POLR2H: variants seen among roughly 807,000 people sequenced by gnomAD.
POLR2H encodes the protein RNA polymerase II, I and III subunit H, also known as DNA-directed RNA polymerases I, II, and III subunit RPABC3.
A neutral mutation model predicts 18.1 loss-of-function variants in POLR2H; 3 were observed. The ratio of observed to expected loss-of-function variants is 0.17; its 90% CI spans 0.08 to 0.43. POLR2H has a LOEUF of 0.43. POLR2H is among the 20% of genes least tolerant of loss of function. POLR2H has a pLI of 0.99. For synonymous variants in POLR2H, 76 were observed against 69.0 expected (o/e 1.10, Z -0.50); for missense variants, 103 against 184.6 (o/e 0.56, Z 2.56).
rs543444730 is a variant in POLR2H at position 184,362,947 on chromosome 3, C to G, written c.-546C>G. The G allele has an allele frequency of 1.6e-4, 27 of 166,252 alleles. No individual in the cohort carries two copies. The East Asian group carries it at 3.6e-3, about 22-fold the overall frequency. 10.3% of individuals were successfully genotyped at this position (166,252 alleles called of 1,614,324 possible). ...CCAGCAGGGCCGAGCCGGCCCAGGC[C>G]GGCCCCGGGGTCCTCGGTGCCGGCT... On this transcript the variant is annotated 5_prime_UTR_variant, in exon 2 of 6. Coordinates refer to ENST00000456318, the MANE Select transcript of POLR2H (RefSeq NM_006232.5). This position sits in a 1 kb window ranked among gnomAD's most constrained non-coding sequence, Gnocchi z 5.9.
chr3:184,365,606 G>A (rs1014762346), intron 4 of POLR2H: 1 of 242,246 alleles, frequency 4.1e-6, no homozygotes, highest in Non-Finnish European at 8.1e-6. Flanking sequence ...GGGAGGTTGA[G>A]GCTGCAGTGA....
intron 4 of POLR2H, among the ~76,000 whole-genome samples, chr3:184,365,933 G>A (rs1170103935): frequency 7.4e-6 from 1 of 134,450 alleles, no homozygotes; most frequent in African/African-American, 2.9e-5. Flanking sequence ...CCGAGATCCC[G>A]CCACTGCACT....
At position 184,365,256 on chromosome 3, in the gene POLR2H, A is replaced by G. The variant is rs1713034664; in HGVS notation, c.251+30A>G. 1.5e-6 allele frequency: 2 copies of G among 1,295,380 alleles called. No individual in the cohort carries two copies. Among genetic ancestry groups the G allele is most frequent in the Non-Finnish European group, 2.2e-6 (2 of 889,226 alleles). The allele number at this position is 1,295,380 out of a possible 1,614,324, so 80.2% of individuals were successfully genotyped here. Reference sequence around the variant, plus strand: ...GGGAGTGGAGAAGGTAATACTTGAAATATGCCTTGAGGACTAAGTAGATAA... The same window carrying G: ...GGGAGTGGAGAAGGTAATACTTGAAGTATGCCTTGAGGACTAAGTAGATAA... On this transcript the variant is annotated intron_variant, in intron 4 of 5. Transcript: ENST00000456318.
chr3:184,364,936 C>G, intron 2 of POLR2H, 30 bp from the exon 3 acceptor site: 1 of 1,489,138 alleles, frequency 6.7e-7, no homozygotes, highest in Non-Finnish European at 9.4e-7. Context: ...TTGGCAATAC[C>G]TCTGTCACTC....
chr3:184,364,965 G>A lies in POLR2H; in HGVS notation c.74-1G>A. The A allele has an allele frequency of 6.2e-7, 1 of 1,604,726 alleles. No individual in the cohort carries two copies. The highest frequency in any genetic ancestry group is 8.5e-7 in the Non-Finnish European group (1 of 1,171,376). ...GTCACTCTTTTCCTGCTTCTCCCCA[G>A]TGTCTCGACTGCATTGTGAGAGTGA... On this transcript the variant is annotated splice_acceptor_variant, in intron 2 of 5. Coordinates refer to ENST00000456318, the MANE Select transcript of POLR2H (RefSeq NM_006232.5). LOFTEE classifies it high-confidence loss of function.
chr3:184,363,238 A>T lies in POLR2H; in HGVS notation c.-255A>T. 1.8e-6 allele frequency: 1 copy of T among 550,490 alleles called. No homozygotes were observed. Among genetic ancestry groups the T allele is most frequent in the South Asian group, 1.9e-5 (1 of 51,724 alleles). 34.1% of individuals were successfully genotyped at this position (550,490 alleles called of 1,614,324 possible). On this transcript the variant is annotated 5_prime_UTR_variant, in exon 2 of 6. An upstream start codon of the reference 5' UTR is lost. Coordinates refer to ENST00000456318, the MANE Select transcript of POLR2H (RefSeq NM_006232.5). ...CCGCCCTGGGCAGAGCCACCTGGAC[A>T]TGAGACCCGCCCTCAATGCCGAAGC...
Position 184,363,058 on chromosome 3 carries a change from G to T in POLR2H, c.-435G>T. Reference sequence around the variant, plus strand: ...CCCTCGGCGGGCACGCGGACCGGCGGGGTAGGGCTAGGGCCCGGCTTCTCT... The same window carrying T: ...CCCTCGGCGGGCACGCGGACCGGCGTGGTAGGGCTAGGGCCCGGCTTCTCT... On this transcript the variant is annotated 5_prime_UTR_variant, in exon 2 of 6. Transcript: ENST00000456318. 1 of 229,324 alleles carries T rather than the reference G, an allele frequency of 4.4e-6. No homozygotes were observed. Among genetic ancestry groups the T allele is most frequent in the Non-Finnish European group, 8.9e-6 (1 of 112,700 alleles). 14.2% of individuals were successfully genotyped at this position (229,324 alleles called of 1,614,324 possible).
rs1436779468 is a variant in POLR2H, at chr3:184,363,216, C to G, written c.-277C>G. 10 of 515,022 alleles carry G rather than the reference C, an allele frequency of 1.9e-5. No individual in the cohort carries two copies. The highest frequency in any genetic ancestry group is 1.8e-4 in the South Asian group (9 of 50,348). The allele number at this position is 515,022 out of a possible 1,614,324, so 31.9% of individuals were successfully genotyped here. ...CGCTCTACAGCCTATTGCTTCCCCGCCCTGGGCAGAGCCACCTGGACATGA... is the reference window on the plus strand; with the variant it reads ...CGCTCTACAGCCTATTGCTTCCCCGGCCTGGGCAGAGCCACCTGGACATGA... On this transcript the variant is annotated 5_prime_UTR_variant, in exon 2 of 6. Transcript: ENST00000456318.
In POLR2H at chr3:184,361,944, G is replaced by C. The variant is rs1712205834; in HGVS notation, c.-823G>C. 6.5e-6 allele frequency: 1 copy of C among 152,690 alleles called. No homozygotes were observed. Among genetic ancestry groups the C allele is most frequent in the Non-Finnish European group, 1.5e-5 (1 of 68,430 alleles). The allele number at this position is 152,690 out of a possible 1,614,324, so 9.5% of individuals were successfully genotyped here. A position where few individuals can be genotyped will look rare whatever the true frequency, so the allele number is the denominator to read the frequency against. ...CTGAGCTCCGTAGGGGTTGGGGCTG[G>C]GGGCTGCGGAGCTGTCTACATCGGA... On this transcript the variant is annotated 5_prime_UTR_variant, in exon 1 of 6. Coordinates refer to ENST00000456318, the MANE Select transcript of POLR2H (RefSeq NM_006232.5). The surrounding 1 kb of genome is among the most constrained non-coding windows in gnomAD (Gnocchi z 6.6).
At chr3:184,367,092 T>TTGTG (rs10575340) in intron 5 of POLR2H, among the ~76,000 whole-genome samples, 76 of 147,962 alleles carry the variant, frequency 5.1e-4, no homozygotes, top group Admixed American at 1.8e-3. Flanking sequence ...CTGTTAGGCT[T>TTGTG]TGTGTGTGTG....
chr3:184,364,902 C>A, intron 2 of POLR2H, 64 bp from the exon 3 acceptor site: 20 of 1,079,016 alleles, frequency 1.9e-5, no homozygotes, highest in Non-Finnish European at 2.9e-5. Context: ...CTGTTGCATA[C>A]AATCCCACAC....
chr3:184,365,192 G>A lies in POLR2H; in HGVS notation c.217G>A (p.Gly73Ser). ...TLYEDGTLDD[G>S]EYNPTDDRPS... is the part of the protein sequence containing the mutation. ...GTATGAAGATGGTACCCTGGATGAT[G>A]GTGAATACAACCCCACTGATGATAG... Residue 73 changes from glycine (G) to serine (S), a missense_variant, in exon 4 of 6, where the codon GGT becomes AGT. Physicochemically the swap from Gly to Ser is moderately conservative, Grantham distance 56. Coordinates refer to ENST00000456318, the MANE Select transcript of POLR2H (RefSeq NM_006232.5). 6.2e-7 allele frequency: 1 copy of A among 1,613,220 alleles called. No homozygotes were observed. The highest frequency in any genetic ancestry group is 8.5e-7 in the Non-Finnish European group (1 of 1,179,182).
At position 184,368,467 on chromosome 3, in the gene POLR2H, A is replaced by G; in HGVS notation, c.*173A>G. 1 of 487,742 alleles carries G rather than the reference A, an allele frequency of 2.1e-6. No individual in the cohort carries two copies. Among genetic ancestry groups the G allele is most frequent in the East Asian group, 3.2e-5 (1 of 31,520 alleles). 30.2% of individuals were successfully genotyped at this position (487,742 alleles called of 1,614,324 possible). A position where few individuals can be genotyped will look rare whatever the true frequency, so the allele number is the denominator to read the frequency against. On this transcript the variant is annotated 3_prime_UTR_variant, in exon 6 of 6. Transcript: ENST00000456318. ...GGAAACTGACTCGCCTGTGAAAGAC[A>G]CAGTGGGAGAGCTGAAAATGAATCA...
At chr3:184,366,840 A>G in intron 5 of POLR2H, 40 bp downstream of exon 5, 1 of 1,199,726 alleles carries the variant, frequency 8.3e-7, no homozygotes, top group Non-Finnish European at 1.2e-6. Flanking sequence ...TTCCTCTTCC[A>G]TGTTCTGAGA....
In POLR2H at chr3:184,368,381, T is replaced by G; in HGVS notation, c.*87T>G. 2.7e-6 allele frequency: 3 copies of G among 1,131,220 alleles called. No individual in the cohort carries two copies. The highest frequency in any genetic ancestry group is 3.8e-6 in the Non-Finnish European group (3 of 798,128). The allele number at this position is 1,131,220 out of a possible 1,614,324, so 70.1% of individuals were successfully genotyped here. ...AGTGGCAGCCGCTCTTGCTCACCTG[T>G]TGAGGAAGGGCTGGCTCACTGTCCA... On this transcript the variant is annotated 3_prime_UTR_variant, in exon 6 of 6. Coordinates refer to ENST00000456318, the MANE Select transcript of POLR2H (RefSeq NM_006232.5).
intron 2 of POLR2H, among the ~76,000 whole-genome samples, chr3:184,364,298 T>G (rs1712854461): frequency 6.6e-6 from 1 of 152,024 alleles, no homozygotes; most frequent in South Asian, 2.1e-4. Context: ...GGCACGATTT[T>G]AGCTCACCAC....
Position 184,363,205 on chromosome 3 carries a change from TTGC to T in POLR2H, c.-286_-284del, listed in dbSNP as rs1712550746. ...GCGCGAGAACCCGCTCTACAGCCTA[TTGC>T]TTCCCCGCCCTGGGCAGAGCCACCT... On this transcript the variant is annotated 5_prime_UTR_variant, in exon 2 of 6. Coordinates refer to ENST00000456318, the MANE Select transcript of POLR2H (RefSeq NM_006232.5). 4.1e-6 allele frequency: 2 copies of T among 490,152 alleles called. No homozygotes were observed. The highest frequency in any genetic ancestry group is 6.6e-5 in the Admixed American group (2 of 30,412). The allele number at this position is 490,152 out of a possible 1,614,324, so 30.4% of individuals were successfully genotyped here.
At chr3:184,365,259 T>C in intron 4 of POLR2H, 33 bp downstream of exon 4, 1 of 1,227,650 alleles carries the variant, frequency 8.1e-7, no homozygotes, top group South Asian at 1.2e-5. Flanking sequence ...ACTTGAAATA[T>C]GCCTTGAGGA....
At position 184,362,608 on chromosome 3, in the gene POLR2H, T is replaced by A. The variant is rs1371641635; in HGVS notation, c.-620-265T>A. On this transcript the variant is annotated intron_variant, in intron 1 of 5. Transcript: ENST00000456318. The surrounding 1 kb of genome is among the most constrained non-coding windows in gnomAD (Gnocchi z 5.9). ...GCCAGCACTCAGGAGGAAGGGCCAG[T>A]GTGAGGGAAGAGCTGGTATCCAAGG... 6.6e-6 allele frequency: 1 copy of A among 150,570 alleles called. No individual in the cohort carries two copies. The highest frequency in any genetic ancestry group is 1.5e-5 in the Non-Finnish European group (1 of 68,250). 9.3% of individuals were successfully genotyped at this position (150,570 alleles called of 1,614,324 possible).
Sources: allele counts gnomAD v4.1 joint callset (sites outside exome capture counted in the v4.1 genomes callset), GRCh38; gene constraint gnomAD v4.1.1; non-coding constraint Gnocchi (gnomAD v3.1); transcripts MANE v1.5; gene names NCBI Gene and HGNC (gene_info 2026-07-23, HGNC 2026-07-21).